Variants in ZMYM5 observed in about 807,000 individuals in gnomAD.
ZMYM5 encodes the protein zinc finger MYM-type containing 5, also known as zinc finger MYM-type protein 5.
Under a neutral mutation model 61.8 loss-of-function variants are expected in ZMYM5, and 41 were observed. That is an observed-to-expected ratio of 0.66 (90% CI 0.52 to 0.86). The LOEUF is 0.86. Among genes scored for constraint, ZMYM5 ranks in the 40% least tolerant of loss-of-function variants. The pLI is 0.00. For synonymous variants in ZMYM5, 257 were observed against 276.4 expected (o/e 0.93, Z 0.70); for missense variants, 706 against 786.7 (o/e 0.90, Z 1.23).
intron 7 of ZMYM5, among the ~76,000 whole-genome samples, chr13:19,831,802 A>G (rs1012062394): frequency 6.6e-6 from 1 of 150,594 alleles, no homozygotes; most frequent in Non-Finnish European, 1.5e-5. Context: ...AAAAAAAAAA[A>G]AAAAAAAAAA....
At chr13:19,860,080 G>C (rs1458757662) in intron 2 of ZMYM5, among the ~76,000 whole-genome samples, 1 of 139,642 alleles carries the variant, frequency 7.2e-6, no homozygotes, top group Admixed American at 7.1e-5. Flanking sequence ...CTCCAGCCTG[G>C]GTGACAGGGC....
intron 2 of ZMYM5, among the ~76,000 whole-genome samples, chr13:19,857,584 G>A (rs560665002): frequency 6.6e-6 from 1 of 152,240 alleles, no homozygotes; most frequent in African/African-American, 2.4e-5. Flanking sequence ...CAGGAACTAG[G>A]TACAAAATTA....
chr13:19,857,545 T>C (rs1300366168), intron 2 of ZMYM5, among the ~76,000 whole-genome samples: 1 of 152,182 alleles, frequency 6.6e-6, no homozygotes. Flanking sequence ...TCAACTGAAC[T>C]ACTACCACAA....
chr13:19,860,430 TTGTGTGTGTGTGTGTGTATGTG>T (rs1223258214), intron 2 of ZMYM5, among the ~76,000 whole-genome samples: 1 of 133,596 alleles, frequency 7.5e-6, no homozygotes, highest in Non-Finnish European at 1.6e-5. Flanking sequence ...CCGGCTAATT[TTGTGTGTGTGTGTGTGTATGTG>T]TGTGTGTGTG....
chr13:19,851,176 T>C (rs1349934868), intron 4 of ZMYM5, among the ~76,000 whole-genome samples, 179 bp downstream of exon 4: 2 of 152,030 alleles, frequency 1.3e-5, no homozygotes, highest in South Asian at 2.1e-4. Context: ...GATTGCGCCA[T>C]TGTACTCCAG....
Position 19,825,059 on chromosome 13 carries a change from G to A in ZMYM5, c.1428C>T (p.Gly476=). 5.1e-6 allele frequency: 7 copies of A among 1,367,622 alleles called. No individual in the cohort carries two copies. The highest frequency in any genetic ancestry group is 6.9e-6 in the Non-Finnish European group (7 of 1,021,838). 84.7% of individuals were successfully genotyped at this position (1,367,622 alleles called of 1,614,324 possible). Residue 476 remains glycine (G), a synonymous_variant, in exon 8 of 8, where the codon GGC becomes GGT. Transcript: ENST00000337963. ...TCTCTTGGATCAGTAATGTATCCGTGCCACATTCTACTGAAAGCTGTAGCT... is the reference window on the plus strand; with the variant it reads ...TCTCTTGGATCAGTAATGTATCCGTACCACATTCTACTGAAAGCTGTAGCT... ...TSQLQLSVEC[G]TDTLLIQENV...
rs758649803 is a variant in ZMYM5 at position 19,852,135 on chromosome 13, G to T, written c.46C>A (p.Pro16Thr). The change falls in exon 3 of 8, where the codon CCT (proline) becomes ACT (threonine). Residue 16 changes from proline (P) to threonine (T), a missense_variant. By Grantham distance (38) the Pro-to-Thr change is conservative. This residue lies in a region of ZMYM5 where 480 missense variants were observed against 461.7 expected (regional missense o/e 1.04). Coordinates refer to ENST00000337963, the MANE Select transcript of ZMYM5 (RefSeq NM_001142684.2). ...ATGGCCATATTCCCTAATAAAGCAG[G>T]AGTCTGTTCAGTCAACTCTAATCCT... is the stretch of plus-strand genomic sequence containing the variant. ...VGGLELTEQT[P>T]ALLGNMAMAT... The T allele has an allele frequency of 5.0e-6, 8 of 1,612,278 alleles. No individual in the cohort carries two copies. The highest frequency in any genetic ancestry group is 2.2e-5 in the East Asian group (1 of 44,882).
At chr13:19,839,494 T>C (rs1031240285) in intron 4 of ZMYM5, among the ~76,000 whole-genome samples, 3 of 152,040 alleles carry the variant, frequency 2.0e-5, no homozygotes, top group African/African-American at 7.2e-5. Flanking sequence ...GTTCAAGCGA[T>C]TTTCCTGCCT....
intron 2 of ZMYM5, among the ~76,000 whole-genome samples, chr13:19,852,427 T>G (rs1953348812): frequency 6.6e-6 from 1 of 152,194 alleles, no homozygotes; most frequent in Non-Finnish European, 1.5e-5. Flanking sequence ...TTATTCACTC[T>G]TTATAGTGAA....
chr13:19,838,588 A>G, intron 5 of ZMYM5, 112 bp downstream of exon 5: 1 of 1,331,896 alleles, frequency 7.5e-7, no homozygotes, highest in Non-Finnish European at 1.0e-6. Context: ...ACTTGAAGAC[A>G]CTCCTGCAAC....
chr13:19,859,615 G>T (rs1006784000), intron 2 of ZMYM5, among the ~76,000 whole-genome samples: 1 of 151,400 alleles, frequency 6.6e-6, no homozygotes. Context: ...CACCGTGTTA[G>T]CCAGGATGGT....
chr13:19,824,447 A>G lies in ZMYM5; in HGVS notation c.*30T>C. ...GTTTTCTGAGTAATGTAAGATTCTG[A>G]TCATCATGCCAAAAAACAACTCAGG... On this transcript the variant is annotated 3_prime_UTR_variant, in exon 8 of 8. Coordinates refer to ENST00000337963, the MANE Select transcript of ZMYM5 (RefSeq NM_001142684.2). The G allele has an allele frequency of 7.9e-7, 1 of 1,271,094 alleles. No homozygotes were observed. Among genetic ancestry groups the G allele is most frequent in the Non-Finnish European group, 1.0e-6 (1 of 983,058 alleles). 78.7% of individuals were successfully genotyped at this position (1,271,094 alleles called of 1,614,324 possible). A position where few individuals can be genotyped will look rare whatever the true frequency, so the allele number is the denominator to read the frequency against.
chr13:19,863,383 G>A (rs1315123311), intron 1 of ZMYM5, 67 bp downstream of exon 1: 1 of 151,106 alleles, frequency 6.6e-6, no homozygotes, highest in East Asian at 1.9e-4. Flanking sequence ...CGCGCCGCGG[G>A]GTATTAATCC....
chr13:19,859,756 T>C (rs553595273), intron 2 of ZMYM5, among the ~76,000 whole-genome samples: 4 of 151,910 alleles, frequency 2.6e-5, no homozygotes, highest in African/African-American at 4.8e-5. Flanking sequence ...AATTATGCAA[T>C]ATATGTAACA....
At position 19,851,862 on chromosome 13, in the gene ZMYM5, C is replaced by A; in HGVS notation, c.319G>T (p.Ala107Ser). ...TCACTTATATTTCCTTTCTGAGATGCCAAATCTCTTGAAGAAGGAGGAATT... is the reference window on the plus strand; with the variant it reads ...TCACTTATATTTCCTTTCTGAGATGACAAATCTCTTGAAGAAGGAGGAATT... ...SVIPPSSRDLASQKGNISETI... is the reference protein window; with the variant it reads ...SVIPPSSRDLSSQKGNISETI... The change falls in exon 3 of 8, where the codon GCA (alanine) becomes TCA (serine). Residue 107 changes from alanine to serine, a missense_variant. By Grantham distance (99) the Ala-to-Ser change is moderately conservative (BLOSUM62 1). This residue lies in a region of ZMYM5 where 480 missense variants were observed against 461.7 expected (regional missense o/e 1.04). Transcript: ENST00000337963. 1.2e-6 allele frequency: 2 copies of A among 1,611,938 alleles called. No homozygotes were observed. The highest frequency in any genetic ancestry group is 1.7e-5 in the Admixed American group (1 of 59,526).
At position 19,837,785 on chromosome 13, in the gene ZMYM5, T is replaced by G. The variant is rs750041440; in HGVS notation, c.909A>C (p.Pro303=). 6 of 1,593,830 alleles carry G rather than the reference T, an allele frequency of 3.8e-6. No individual in the cohort carries two copies. The highest frequency in any genetic ancestry group is 3.8e-5 in the Admixed American group (2 of 52,520). Residue 303 remains proline, a synonymous_variant, in exon 6 of 8, where the codon CCA becomes CCC. Coordinates refer to ENST00000337963, the MANE Select transcript of ZMYM5 (RefSeq NM_001142684.2). ...CTTGGAAGGATTTGCTTGATTCTACTGGAAGAATGACATTAGCCTTCTTTG... is the reference window on the plus strand; with the variant it reads ...CTTGGAAGGATTTGCTTGATTCTACGGGAAGAATGACATTAGCCTTCTTTG... The part of the protein sequence containing the change: ...ASTKKANVIL[P]VESSKSFQEF...
chr13:19,829,540 C>T (rs2138486939), intron 7 of ZMYM5, among the ~76,000 whole-genome samples: 1 of 152,234 alleles, frequency 6.6e-6, no homozygotes, highest in Admixed American at 6.6e-5. Flanking sequence ...ATCCTCTTGC[C>T]TCAGCTTCCC....
intron 4 of ZMYM5, chr13:19,842,008 G>A (rs1952895919): frequency 6.6e-6 from 1 of 152,332 alleles, no homozygotes; most frequent in Non-Finnish European, 1.5e-5. Context: ...GTAGAGATGG[G>A]GTTTCACCAT....
intron 2 of ZMYM5, among the ~76,000 whole-genome samples, chr13:19,858,655 T>A (rs905421857): frequency 1.4e-5 from 2 of 138,810 alleles, no homozygotes; most frequent in Admixed American, 7.2e-5. Context: ...CTTCCAAAAC[T>A]CCCCTAAACA....
Sources: gnomAD v4.1 joint callset for allele counts (sites outside exome capture counted in the v4.1 genomes callset) on GRCh38, gnomAD v4.1.1 for gene constraint, gnomAD v4.1.1 regional missense constraint, MANE v1.5 for transcripts, NCBI Gene and HGNC (gene_info 2026-07-23, HGNC 2026-07-21) for gene names.